ELP4: variants seen among roughly 807,000 people sequenced by gnomAD.
ELP4 encodes the protein elongator complex protein 4.
A neutral mutation model predicts 48.9 loss-of-function variants in ELP4; 51 were observed. That is an observed-to-expected ratio of 1.04 (90% CI 0.83 to 1.32). ELP4 has a LOEUF of 1.32. Among genes scored for constraint, ELP4 ranks in the 40% most tolerant of loss-of-function variants. The probability of loss-of-function intolerance (pLI) is 0.00; values close to 1 mark genes in which losing one functional copy is unlikely to be tolerated. For synonymous variants in ELP4, 210 were observed against 189.2 expected (o/e 1.11, Z -0.90); for missense variants, 519 against 514.6 (o/e 1.01, Z -0.08).
intron 3 of ELP4, among the ~76,000 whole-genome samples, chr11:31,560,670 A>T (rs759759968): frequency 6.7e-6 from 1 of 149,492 alleles, no homozygotes. Context: ...ATTATTTTCT[A>T]TTATAAAGAC....
intron 9 of ELP4, chr11:31,654,707 G>A (rs1565097745): frequency 6.6e-6 from 1 of 151,766 alleles, no homozygotes; most frequent in Non-Finnish European, 1.5e-5. Context: ...ATAATTTGGA[G>A]TATTTCATGA....
intron 4 of ELP4, among the ~76,000 whole-genome samples, chr11:31,601,461 TC>T (rs1267637463): frequency 6.6e-6 from 1 of 152,098 alleles, no homozygotes; most frequent in African/African-American, 2.4e-5. Flanking sequence ...GAGAAAAGCT[TC>T]CAATTTTATT....
intron 1 of ELP4, among the ~76,000 whole-genome samples, chr11:31,514,613 ATTAC>A (rs1225847162): frequency 2.6e-5 from 4 of 152,152 alleles, no homozygotes; most frequent in Non-Finnish European, 4.4e-5. Flanking sequence ...TGCTTACCCT[ATTAC>A]TTATCTGTAA....
chr11:31,744,675 G>A (rs1297086655), intron 9 of ELP4, among the ~76,000 whole-genome samples: 4 of 152,134 alleles, frequency 2.6e-5, no homozygotes, highest in Non-Finnish European at 4.4e-5. Flanking sequence ...GAAGGCCTTT[G>A]ACAAAATTCA....
At chr11:31,542,788 G>C (rs1187208096) in intron 3 of ELP4, among the ~76,000 whole-genome samples, 1 of 151,642 alleles carries the variant, frequency 6.6e-6, no homozygotes, top group East Asian at 1.9e-4. Context: ...GACATGCAAA[G>C]AAATAAGAAA....
intron 4 of ELP4, chr11:31,598,932 A>G (rs959923377): frequency 1.3e-5 from 2 of 152,156 alleles, no homozygotes; most frequent in Non-Finnish European, 2.9e-5. Context: ...AGATTACTTT[A>G]CCAGAAGTGA....
chr11:31,513,586 T>A (rs1413623531), intron 1 of ELP4, among the ~76,000 whole-genome samples: 2 of 152,206 alleles, frequency 1.3e-5, no homozygotes, highest in East Asian at 3.8e-4. Context: ...TTTCATTTCT[T>A]TTCCCTTTTA....
intron 9 of ELP4, among the ~76,000 whole-genome samples, chr11:31,678,983 C>T (rs1037139266): frequency 4.6e-5 from 7 of 152,088 alleles, no homozygotes; most frequent in African/African-American, 1.7e-4. Context: ...AGTGGCATCT[C>T]ATTATTGTTT....
chr11:31,683,592 G>A (rs1946100091), intron 9 of ELP4, among the ~76,000 whole-genome samples: 1 of 152,016 alleles, frequency 6.6e-6, no homozygotes, highest in Non-Finnish European at 1.5e-5. Flanking sequence ...CCAAGGCCAT[G>A]GGCATTTTAA....
intron 9 of ELP4, among the ~76,000 whole-genome samples, chr11:31,733,486 A>C (rs1028350319): frequency 5.3e-5 from 8 of 151,516 alleles, no homozygotes; most frequent in African/African-American, 1.9e-4. Flanking sequence ...CAAAAAAAAA[A>C]AAAAAAAAAG....
intron 9 of ELP4, among the ~76,000 whole-genome samples, chr11:31,762,683 TTAAC>T (rs1371715318): frequency 6.6e-6 from 1 of 151,886 alleles, no homozygotes; most frequent in Non-Finnish European, 1.5e-5. Flanking sequence ...TTTTAAATAA[TTAAC>T]TAGAAGGCAT....
At chr11:31,564,391 T>C (rs1009920452) in intron 3 of ELP4, among the ~76,000 whole-genome samples, 3 of 151,886 alleles carry the variant, frequency 2.0e-5, no homozygotes, top group African/African-American at 4.8e-5. Flanking sequence ...TTTTTTTTTT[T>C]AATTATACTT....
chr11:31,669,935 G>T (rs1945772930), intron 9 of ELP4, among the ~76,000 whole-genome samples: 1 of 152,092 alleles, frequency 6.6e-6, no homozygotes, highest in Non-Finnish European at 1.5e-5. Flanking sequence ...TATCAACCTA[G>T]AATTGTTTTT....
intron 5 of ELP4, among the ~76,000 whole-genome samples, chr11:31,621,637 G>A (rs1944623344): frequency 6.6e-6 from 1 of 151,848 alleles, no homozygotes; most frequent in African/African-American, 2.4e-5. Context: ...ATATTTGTAA[G>A]CATACACTTC....
In ELP4 at chr11:31,603,997, A is replaced by C. The variant is rs576820921; in HGVS notation, c.653+90A>C. On this transcript the variant is annotated intron_variant, in intron 5 of 9. Coordinates refer to ENST00000640961, the MANE Select transcript of ELP4 (RefSeq NM_019040.5). ...ACATTTTTGAAAGAATACACATCTA[A>C]GGGTAAATATCATAATAATAAATAT... is the stretch of plus-strand genomic sequence containing the variant. 2.5e-5 allele frequency: 24 copies of C among 970,658 alleles called. No homozygotes were observed. The African/African-American group carries it at 3.9e-4, about 16-fold the overall frequency. The allele number at this position is 970,658 out of a possible 1,614,324, so 60.1% of individuals were successfully genotyped here.
chr11:31,568,550 C>T (rs1294141029), intron 3 of ELP4, among the ~76,000 whole-genome samples: 1 of 152,064 alleles, frequency 6.6e-6, no homozygotes, highest in Non-Finnish European at 1.5e-5. Context: ...TACAGTAACC[C>T]AAACAGCATG....
intron 3 of ELP4, among the ~76,000 whole-genome samples, chr11:31,552,415 C>A (rs1478719248): frequency 1.3e-5 from 2 of 152,094 alleles, no homozygotes; most frequent in East Asian, 3.9e-4. Flanking sequence ...ATATCCAGCT[C>A]CCTACAGTAC....
chr11:31,601,334 T>G (rs1957777541), intron 4 of ELP4, among the ~76,000 whole-genome samples: 1 of 152,126 alleles, frequency 6.6e-6, no homozygotes, highest in African/African-American at 2.4e-5. Flanking sequence ...TTATTTTCAT[T>G]GTTAATTGAA....
chr11:31,768,254 C>T (rs1471544679), intron 9 of ELP4, among the ~76,000 whole-genome samples: 2 of 152,080 alleles, frequency 1.3e-5, no homozygotes, highest in Non-Finnish European at 2.9e-5. Context: ...GCAAAACACA[C>T]ACAACAGCAT....
Sources: gnomAD v4.1 joint callset for allele counts (sites outside exome capture counted in the v4.1 genomes callset) on GRCh38, gnomAD v4.1.1 for gene constraint, MANE v1.5 for transcripts, NCBI Gene and HGNC (gene_info 2026-07-23, HGNC 2026-07-21) for gene names.